Variants in NBAS observed in about 807,000 individuals in gnomAD.
NBAS encodes the protein NAG/BC035112 fusion.
NBAS carries 219 observed loss-of-function variants against 302.5 expected under a neutral mutation model. That is an observed-to-expected ratio of 0.72 (90% CI 0.65 to 0.81). The LOEUF (loss-of-function observed/expected upper bound fraction) is 0.81. Ranked by LOEUF, NBAS falls within the 30% of genes least tolerant of loss-of-function variation. The pLI is 0.00. For synonymous variants in NBAS, 1,118 were observed against 1,021.6 expected, an observed-to-expected ratio of 1.09 and a Z score of -1.80; for missense variants, 2,932 against 2,841.6, an observed-to-expected ratio of 1.03 and a Z score of -0.72.
the NBAS span, among the ~76,000 whole-genome samples, chr2:14,889,754 C>T: frequency 6.6e-6 from 1 of 152,178 alleles, no homozygotes; most frequent in Non-Finnish European, 1.5e-5. Flanking sequence ...TATTGCCCTT[C>T]TGAGGTTCCT....
rs1679198242 is a variant in NBAS at position 15,455,226 on chromosome 2, A to G, written c.2339+5975T>C. ...CCGATGCTATAATTTTTGTTAGGTTACTAAATATGTTCCAGTGAGCAAAGT... is the reference window on the plus strand; with the variant it reads ...CCGATGCTATAATTTTTGTTAGGTTGCTAAATATGTTCCAGTGAGCAAAGT... On this transcript the variant is annotated intron_variant, in intron 21 of 51. Transcript: ENST00000281513. Among the ~76,000 whole-genome samples, 3 of 152,140 alleles carry G rather than the reference A, an allele frequency of 2.0e-5. No homozygotes were observed. In the South Asian group the frequency reaches 6.2e-4, roughly 31 times the overall value.
intron 8 of NBAS, among the ~76,000 whole-genome samples, chr2:15,535,142 C>T (rs1226684039): frequency 2.0e-5 from 3 of 152,170 alleles, no homozygotes; most frequent in Non-Finnish European, 4.4e-5. Flanking sequence ...GTACATACTA[C>T]AGTCATTCCT....
At chr2:15,356,739 T>G (rs1309213308) in intron 32 of NBAS, among the ~76,000 whole-genome samples, 2 of 152,158 alleles carry the variant, frequency 1.3e-5, no homozygotes, top group Admixed American at 1.3e-4. Flanking sequence ...AAAATTTATG[T>G]TTCCAAAAGA....
At chr2:15,467,234 T>C (rs981836118) in intron 19 of NBAS, 95 bp downstream of exon 19, 63 of 937,344 alleles carry the variant, frequency 6.7e-5, no homozygotes, top group Middle Eastern at 4.8e-4. Flanking sequence ...GAAAAATAGT[T>C]CTAAAGACCA....
intron 10 of NBAS, 74 bp from the exon 11 acceptor site, chr2:15,504,287 A>G (rs1208927217): frequency 1.7e-6 from 2 of 1,165,856 alleles, no homozygotes; most frequent in Non-Finnish European, 2.6e-6. Context: ...CTTTATAATG[A>G]AATGAAAACT....
chr2:15,140,855 G>T, the NBAS span, among the ~76,000 whole-genome samples: 3 of 152,108 alleles, frequency 2.0e-5, no homozygotes, highest in Non-Finnish European at 2.9e-5. Context: ...AGCATTAAAT[G>T]GTATAATACA....
At chr2:15,466,795 T>C (rs577280855) in intron 19 of NBAS, among the ~76,000 whole-genome samples, 4 of 151,828 alleles carry the variant, frequency 2.6e-5, no homozygotes, top group South Asian at 2.1e-4. Flanking sequence ...AAATTTGCCA[T>C]GTGTGGTGGC....
chr2:15,516,345 T>G (rs1020925482), intron 9 of NBAS, among the ~76,000 whole-genome samples: 1 of 152,198 alleles, frequency 6.6e-6, no homozygotes, highest in African/African-American at 2.4e-5. Context: ...ACTTATGAGC[T>G]GGGCTTTGTG....
chr2:14,984,457 A>G, the NBAS span, among the ~76,000 whole-genome samples: 1 of 152,218 alleles, frequency 6.6e-6, no homozygotes, highest in Non-Finnish European at 1.5e-5. Flanking sequence ...TTTCAGCGTA[A>G]AACAAATGAA....
At chr2:15,027,287 TTAAA>T in the NBAS span, among the ~76,000 whole-genome samples, 1 of 152,180 alleles carries the variant, frequency 6.6e-6, no homozygotes, top group Non-Finnish European at 1.5e-5. Context: ...TTTTATGTCT[TTAAA>T]TAAGATTGTC....
At chr2:14,943,051 CTCTT>C in the NBAS span, among the ~76,000 whole-genome samples, 1 of 152,314 alleles carries the variant, frequency 6.6e-6, no homozygotes, top group Non-Finnish European at 1.5e-5. Context: ...AGCATGTTCT[CTCTT>C]TCCTCATTCT....
At chr2:15,069,401 T>A in the NBAS span, among the ~76,000 whole-genome samples, 2 of 152,184 alleles carry the variant, frequency 1.3e-5, no homozygotes, top group Non-Finnish European at 2.9e-5. Context: ...CCCAGTGTTG[T>A]TCTCAACCCT....
chr2:14,943,497 A>G, the NBAS span, among the ~76,000 whole-genome samples: 1 of 152,250 alleles, frequency 6.6e-6, no homozygotes, highest in African/African-American at 2.4e-5. Context: ...GAAAATTCAT[A>G]CAATCACAGA....
chr2:14,911,199 A>G, the NBAS span, among the ~76,000 whole-genome samples: 1 of 152,244 alleles, frequency 6.6e-6, no homozygotes, highest in Non-Finnish European at 1.5e-5. Flanking sequence ...AGATCACTCA[A>G]CTTAGCTGTC....
chr2:15,281,887 T>C (rs142345101), intron 42 of NBAS, among the ~76,000 whole-genome samples: 32 of 152,314 alleles, frequency 2.1e-4, no homozygotes, highest in African/African-American at 3.4e-4. Flanking sequence ...AAGTTACAGA[T>C]ATATGGAAGG....
intron 21 of NBAS, among the ~76,000 whole-genome samples, chr2:15,437,689 G>C (rs1354815193): frequency 6.6e-6 from 1 of 152,206 alleles, no homozygotes; most frequent in African/African-American, 2.4e-5. Context: ...CAGTTCTTAT[G>C]ACTGTCAATA....
chr2:15,131,228 C>T, the NBAS span, among the ~76,000 whole-genome samples: 1 of 152,138 alleles, frequency 6.6e-6, no homozygotes, highest in Admixed American at 6.5e-5. Context: ...CTTTCAAAGA[C>T]CTTTCCAGCC....
chr2:14,839,222 G>A, the NBAS span, among the ~76,000 whole-genome samples: 1 of 151,978 alleles, frequency 6.6e-6, no homozygotes, highest in Non-Finnish European at 1.5e-5. Flanking sequence ...TGAGCAGATG[G>A]TAAGAAAATT....
At chr2:15,092,846 C>T in the NBAS span, among the ~76,000 whole-genome samples, 1 of 152,198 alleles carries the variant, frequency 6.6e-6, no homozygotes, top group Non-Finnish European at 1.5e-5. Flanking sequence ...CATAGGAGGT[C>T]TAATCCCCTT....
Sources: allele counts gnomAD v4.1 joint callset (sites outside exome capture counted in the v4.1 genomes callset), GRCh38; gene constraint gnomAD v4.1.1; transcripts MANE v1.5; gene names NCBI Gene and HGNC (gene_info 2026-07-23, HGNC 2026-07-21).